Variants in SPAG16 observed in about 807,000 individuals in gnomAD.
SPAG16 encodes the protein sperm associated antigen 16, also known as sperm-associated antigen 16 protein.
SPAG16 carries 86 observed loss-of-function variants against 80.4 expected under a neutral mutation model. The ratio of observed to expected loss-of-function variants is 1.07; its 90% CI spans 0.90 to 1.28. SPAG16 has a LOEUF of 1.28. Ranked by LOEUF, SPAG16 falls within the 50% of genes most tolerant of loss-of-function variation. The pLI is 0.00. For synonymous variants in SPAG16, 294 were observed against 265.9 expected, an observed-to-expected ratio of 1.11 and a Z score of -1.03; for missense variants, 870 against 765.3, an observed-to-expected ratio of 1.14 and a Z score of -1.61.
At chr2:214,186,547 A>G (rs1392114593) in intron 15 of SPAG16, among the ~76,000 whole-genome samples, 1 of 152,072 alleles carries the variant, frequency 6.6e-6, no homozygotes, top group African/African-American at 2.4e-5. Context: ...ATGAATAACC[A>G]TGGCTGAGAA....
intron 10 of SPAG16, among the ~76,000 whole-genome samples, chr2:213,574,168 C>A (rs2060030492): frequency 6.6e-6 from 1 of 152,056 alleles, no homozygotes; most frequent in Non-Finnish European, 1.5e-5. Context: ...TCACTCTGTC[C>A]TTTCACCATA....
chr2:214,262,570 T>A (rs1479494656), intron 15 of SPAG16, among the ~76,000 whole-genome samples: 4 of 152,086 alleles, frequency 2.6e-5, no homozygotes, highest in Non-Finnish European at 5.9e-5. Context: ...TTTCTCAGGA[T>A]GATGAAATTT....
At chr2:213,605,510 A>T (rs1382896655) in intron 10 of SPAG16, among the ~76,000 whole-genome samples, 3 of 151,774 alleles carry the variant, frequency 2.0e-5, no homozygotes, top group Non-Finnish European at 4.4e-5. Context: ...TTTTTTTGAG[A>T]CAGAGTTTCA....
chr2:213,544,660 T>G (rs1339298280), intron 10 of SPAG16, among the ~76,000 whole-genome samples: 2 of 152,104 alleles, frequency 1.3e-5, no homozygotes. Flanking sequence ...AAAATTCTTC[T>G]GTGCTCTACC....
rs550902499 is a variant in SPAG16 at position 213,862,622 on chromosome 2, A to C, written c.1208A>C (p.His403Pro). ...GACTGGCTTTCAGACTGCTGCTTCC[A>C]TCCCAGGTCAGTGCACAGGACCCCT... ...HTDWLSDCCF[H>P]PSGDKLATSS... Residue 403 changes from histidine (H) to proline (P), a missense_variant, in exon 11 of 16, where the codon CAT (histidine) becomes CCT (proline). Physicochemically the swap from His to Pro is moderately conservative, Grantham distance 77 (BLOSUM62 -2). Transcript: ENST00000331683. The C allele has an allele frequency of 3.5e-5, 57 of 1,613,972 alleles. 3 individuals carry two copies. The South Asian group carries it at 6.1e-4, about 17-fold the overall frequency.
rs1405033111 is a variant in SPAG16, at chr2:213,642,623, T to TA, written c.1070+152534dup. On this transcript the variant is annotated intron_variant, in intron 10 of 15. Transcript: ENST00000331683. ...AAAAATGTGAAAAGAGAGACTGGTC[T>TA]ACCCCGGCTAAAATGGTGAAACCCC... 1.3e-3 allele frequency among the ~76,000 whole-genome samples: 148 copies of TA among 112,076 alleles called. 21 individuals carry two copies. The highest frequency in any genetic ancestry group is 5.5e-3 in the Middle Eastern group (1 of 182). 73.5% of individuals were successfully genotyped at this position (112,076 alleles called of 152,430 possible).
intron 15 of SPAG16, among the ~76,000 whole-genome samples, chr2:214,213,274 T>C (rs1307789061): frequency 6.6e-6 from 1 of 152,184 alleles, no homozygotes; most frequent in Non-Finnish European, 1.5e-5. Context: ...TATCCACTTA[T>C]CCCCACCCCT....
At chr2:213,413,070 A>G (rs2069068769) in intron 9 of SPAG16, among the ~76,000 whole-genome samples, 1 of 152,164 alleles carries the variant, frequency 6.6e-6, no homozygotes, top group South Asian at 2.1e-4. Flanking sequence ...TGTTGATACT[A>G]TAAATGGTGT....
chr2:213,953,173 A>G (rs72950746), intron 12 of SPAG16, among the ~76,000 whole-genome samples: 21,009 of 151,970 alleles, frequency 0.14, 1,960 homozygotes, highest in Non-Finnish European at 0.21. Context: ...AATGTTTAAA[A>G]CTATATTTTT....
At chr2:213,500,293 G>T (rs1159277591) in intron 10 of SPAG16, among the ~76,000 whole-genome samples, 2 of 152,104 alleles carry the variant, frequency 1.3e-5, no homozygotes, top group African/African-American at 2.4e-5. Flanking sequence ...GGCATTTCAG[G>T]TACATTTGAT....
intron 10 of SPAG16, among the ~76,000 whole-genome samples, chr2:213,633,621 T>A (rs1403743868): frequency 6.6e-6 from 1 of 152,138 alleles, no homozygotes; most frequent in African/African-American, 2.4e-5. Flanking sequence ...GAAAGTGGGG[T>A]GTTGATATCT....
At chr2:213,735,638 G>A (rs1320584887) in intron 10 of SPAG16, among the ~76,000 whole-genome samples, 1 of 152,112 alleles carries the variant, frequency 6.6e-6, no homozygotes, top group Admixed American at 6.6e-5. Flanking sequence ...ATACATACTA[G>A]TTTTAGCCAC....
chr2:213,498,048 C>T (rs2074572629), intron 10 of SPAG16, among the ~76,000 whole-genome samples: 2 of 152,200 alleles, frequency 1.3e-5, no homozygotes, highest in South Asian at 4.1e-4. Flanking sequence ...AGAACAAGTA[C>T]CAATATATCT....
At chr2:213,689,460 A>G (rs1169779080) in intron 10 of SPAG16, among the ~76,000 whole-genome samples, 1 of 150,500 alleles carries the variant, frequency 6.6e-6, no homozygotes, top group East Asian at 1.9e-4. Context: ...AAGCAGTTAA[A>G]TCACTTAGAA....
intron 10 of SPAG16, among the ~76,000 whole-genome samples, chr2:213,742,998 C>T (rs181434387): frequency 0.015 from 2,338 of 151,648 alleles, 28 homozygotes; most frequent in South Asian, 0.049. Flanking sequence ...CCACCTCCCG[C>T]GTTCACGCCA....
At chr2:213,984,762 A>G (rs573876539) in intron 12 of SPAG16, among the ~76,000 whole-genome samples, 12 of 152,094 alleles carry the variant, frequency 7.9e-5, no homozygotes, top group Admixed American at 7.9e-4. Context: ...TTCTCCAACC[A>G]TATATGCCAT....
intron 9 of SPAG16, among the ~76,000 whole-genome samples, chr2:213,468,420 G>A (rs970635310): frequency 1.5e-5 from 2 of 136,866 alleles, no homozygotes; most frequent in Non-Finnish European, 3.1e-5. Flanking sequence ...TTTATGTACA[G>A]ATATATATAT....
At chr2:213,676,773 G>T (rs2064102318) in intron 10 of SPAG16, among the ~76,000 whole-genome samples, 1 of 150,586 alleles carries the variant, frequency 6.6e-6, no homozygotes, top group East Asian at 1.9e-4. Context: ...TGTGCTGCTG[G>T]ATTCGGTTTG....
At chr2:213,566,906 A>T (rs932689869) in intron 10 of SPAG16, among the ~76,000 whole-genome samples, 2 of 152,194 alleles carry the variant, frequency 1.3e-5, no homozygotes, top group Admixed American at 1.3e-4. Context: ...ATCACTTTTT[A>T]AATTTTCTGA....
Sources: gnomAD v4.1 joint callset for allele counts (sites outside exome capture counted in the v4.1 genomes callset) on GRCh38, gnomAD v4.1.1 for gene constraint, MANE v1.5 for transcripts, NCBI Gene and HGNC (gene_info 2026-07-23, HGNC 2026-07-21) for gene names.